Variants in SUSD4 observed in about 807,000 individuals in gnomAD.
SUSD4 encodes the protein sushi domain-containing protein 4.
Under a neutral mutation model 50.5 loss-of-function variants are expected in SUSD4, and 41 were observed. That is an observed-to-expected ratio of 0.81 (90% CI 0.63 to 1.05). The LOEUF is 1.05. SUSD4 is among the 50% of genes least tolerant of loss of function. The pLI is 0.00. For synonymous variants in SUSD4, 257 were observed against 257.3 expected (o/e 1.00, Z 0.01); for missense variants, 580 against 634.7 (o/e 0.91, Z 0.93).
At chr1:223,298,246 T>C (rs1203413444) in intron 2 of SUSD4, among the ~76,000 whole-genome samples, 1 of 152,046 alleles carries the variant, frequency 6.6e-6, no homozygotes, top group East Asian at 1.9e-4. Context: ...TGGAACCATC[T>C]CCACCCACCA....
Position 223,363,310 on chromosome 1 carries a change from G to A in SUSD4, c.116C>T (p.Ala39Val). 2.5e-6 allele frequency: 4 copies of A among 1,610,182 alleles called. No homozygotes were observed. The highest frequency in any genetic ancestry group is 3.4e-5 in the Admixed American group (2 of 59,634). Residue 39 changes from alanine to valine, a missense_variant, in exon 2 of 9, where the codon GCG becomes GTG. Physicochemically the swap from Ala to Val is moderately conservative, Grantham distance 64 (BLOSUM62 0). Transcript: ENST00000366878. The part of the protein sequence containing the change: ...LLAVILWFQL[A>V]LCFGPAQLTG... ...GAGCTGTGCAGGGCCGAAGCACAGC[G>A]CCAGCTGAAACCACAGGATCACGGC... is the stretch of plus-strand genomic sequence containing the variant.
chr1:223,305,875 C>T (rs1665506662), intron 2 of SUSD4, among the ~76,000 whole-genome samples: 1 of 152,174 alleles, frequency 6.6e-6, no homozygotes, highest in Admixed American at 6.5e-5. Flanking sequence ...CTACATTGAA[C>T]ACTGCACTCA....
Position 223,322,077 on chromosome 1 carries a change from G to C in SUSD4, c.149-29426C>G, listed in dbSNP as rs186541138. ...AGCACTCAAAAAGTTTTGGGTTTCA[G>C]AGCATTTTGGATTTCGGATTTCCGG... On this transcript the variant is annotated intron_variant, in intron 2 of 8. Coordinates refer to ENST00000366878, the MANE Select transcript of SUSD4 (RefSeq NM_017982.4). Among the ~76,000 whole-genome samples the C allele has an allele frequency of 1.2e-4, 18 of 152,310 alleles. No homozygotes were observed. The East Asian group carries it at 3.5e-3, about 29-fold the overall frequency.
Position 223,360,222 on chromosome 1 carries a change from G to GGAGCCA in SUSD4, c.148+3055_148+3056insTGGCTC, listed in dbSNP as rs757841928. ...ATTCACCTTAAAGGAGTCACTTGTT[G>GGAGCCA]AGCAAACTCTTGGCTCTCTTCCTTG... On this transcript the variant is annotated intron_variant, in intron 2 of 8. Transcript: ENST00000366878. 1.4e-4 allele frequency: 67 copies of GGAGCCA among 470,798 alleles called. 2 individuals carry two copies. Among genetic ancestry groups the GGAGCCA allele is most frequent in the South Asian group, 1.0e-3 (66 of 64,470 alleles). 29.2% of individuals were successfully genotyped at this position (470,798 alleles called of 1,614,324 possible).
chr1:223,347,005 A>G (rs954221166), intron 2 of SUSD4, among the ~76,000 whole-genome samples: 5 of 152,126 alleles, frequency 3.3e-5, no homozygotes, highest in Non-Finnish European at 7.3e-5. Context: ...CATTCAACAA[A>G]TGTCTATTAA....
chr1:223,300,260 G>T (rs563568856), intron 2 of SUSD4, among the ~76,000 whole-genome samples: 6 of 152,292 alleles, frequency 3.9e-5, no homozygotes, highest in South Asian at 4.1e-4. Flanking sequence ...AAATCAGGAG[G>T]AGTATTGTAA....
intron 3 of SUSD4, among the ~76,000 whole-genome samples, chr1:223,277,460 C>T (rs1425533764): frequency 2.0e-5 from 3 of 152,110 alleles, no homozygotes; most frequent in Non-Finnish European, 4.4e-5. Context: ...GGACAAAAAG[C>T]ACAGGTGGAA....
At chr1:223,350,192 TG>T (rs1668278294) in intron 2 of SUSD4, among the ~76,000 whole-genome samples, 1 of 152,256 alleles carries the variant, frequency 6.6e-6, no homozygotes, top group Admixed American at 6.5e-5. Flanking sequence ...CATGGTATTT[TG>T]TTAAGGCAGC....
At chr1:223,260,749 C>G (rs113045509) in intron 5 of SUSD4, among the ~76,000 whole-genome samples, 1 of 152,228 alleles carries the variant, frequency 6.6e-6, no homozygotes, top group Non-Finnish European at 1.5e-5. Context: ...TTCCCACTAT[C>G]CATGAGTGCA....
intron 5 of SUSD4, chr1:223,234,892 CAGT>C: frequency 1.3e-6 from 2 of 1,523,448 alleles, no homozygotes; most frequent in Non-Finnish European, 1.7e-6. Flanking sequence ...TGGTGAAATA[CAGT>C]ATAGGATAAA....
intron 5 of SUSD4, chr1:223,264,096 T>C (rs1325771319): frequency 1.0e-6 from 1 of 985,284 alleles, no homozygotes; most frequent in East Asian, 1.1e-4. Context: ...TTCTCACTAC[T>C]TCATACTACT....
At chr1:223,302,152 G>A (rs973422451) in intron 2 of SUSD4, among the ~76,000 whole-genome samples, 5 of 152,234 alleles carry the variant, frequency 3.3e-5, no homozygotes, top group South Asian at 2.1e-4. Flanking sequence ...CTCCAGCCAC[G>A]TAAGATGTGC....
At chr1:223,228,097 G>C (rs545067378) in intron 6 of SUSD4, among the ~76,000 whole-genome samples, 3 of 152,208 alleles carry the variant, frequency 2.0e-5, no homozygotes, top group Non-Finnish European at 4.4e-5. Flanking sequence ...ACCAAGGGGT[G>C]GGGGAGTGGG....
intron 2 of SUSD4, among the ~76,000 whole-genome samples, chr1:223,331,914 C>G (rs17163818): frequency 0.53 from 80,474 of 151,990 alleles, 21,319 homozygotes; most frequent in African/African-American, 0.55. Flanking sequence ...CAAACAACAG[C>G]GAGACAAAAC....
rs774875853 is a variant in SUSD4, at chr1:223,227,574, T to G, written c.1061+20A>C. ...ATTGAGTCAGACCTTGAGCCACAGC[T>G]GCCAAGACATGACACTGACCTGGGG... On this transcript the variant is annotated intron_variant, in intron 7 of 8. Transcript: ENST00000366878. The surrounding 1 kb of genome is among the most constrained non-coding windows in gnomAD (Gnocchi z 4.5). 1.1e-5 allele frequency: 18 copies of G among 1,610,020 alleles called. No homozygotes were observed. The highest frequency in any genetic ancestry group is 1.5e-5 in the Non-Finnish European group (18 of 1,176,760).
At chr1:223,362,714 A>T (rs921160747) in intron 2 of SUSD4, among the ~76,000 whole-genome samples, 19 of 152,112 alleles carry the variant, frequency 1.2e-4, no homozygotes, top group Non-Finnish European at 2.2e-4. Flanking sequence ...CACCTCCTCC[A>T]CGCCCCCAAC....
chr1:223,311,356 G>A (rs1665864114), intron 2 of SUSD4, among the ~76,000 whole-genome samples: 1 of 152,206 alleles, frequency 6.6e-6, no homozygotes, highest in Non-Finnish European at 1.5e-5. Context: ...GTTTTAGCCT[G>A]AACACTACCT....
At position 223,227,130 on chromosome 1, in the gene SUSD4, G is replaced by C. The variant is rs112683988; in HGVS notation, c.1061+464C>G. 5.9e-3 allele frequency among the ~76,000 whole-genome samples: 903 copies of C among 152,332 alleles called. 2 individuals are homozygous for C. The highest frequency in any genetic ancestry group is 0.01 in the Non-Finnish European group (710 of 68,034). On this transcript the variant is annotated intron_variant, in intron 7 of 8. Transcript: ENST00000366878. This position sits in a 1 kb window ranked among gnomAD's most constrained non-coding sequence, Gnocchi z 4.5. ...CCTGATTGCTCCTGGAATCAGAAAA[G>C]TCTTTTCTCCTTCCTGAGGCTTCTC...
At chr1:223,348,934 G>A (rs982773592) in intron 2 of SUSD4, among the ~76,000 whole-genome samples, 1 of 152,120 alleles carries the variant, frequency 6.6e-6, no homozygotes, top group African/African-American at 2.4e-5. Context: ...ACGGTTCAGA[G>A]ACCTCCAGGA....
Sources: allele counts gnomAD v4.1 joint callset (sites outside exome capture counted in the v4.1 genomes callset), GRCh38; gene constraint gnomAD v4.1.1; non-coding constraint Gnocchi (gnomAD v3.1); transcripts MANE v1.5; gene names NCBI Gene and HGNC (gene_info 2026-07-23, HGNC 2026-07-21).